The following TNMD variants were observed in gnomAD, a reference collection of about 807,000 sequenced individuals.
TNMD encodes tenomodulin.
In TNMD, 15 loss-of-function variants were observed where a neutral mutation model predicts 26.9. The ratio of observed to expected loss-of-function variants is 0.56; its 90% confidence interval spans 0.37 to 0.86. The LOEUF (loss-of-function observed/expected upper bound fraction) is 0.86. Ranked by LOEUF, TNMD falls within the 40% of genes least tolerant of loss-of-function variation. The probability of loss-of-function intolerance (pLI) is 0.00; values close to 1 mark genes in which losing one functional copy is unlikely to be tolerated. For missense variants in TNMD, 222 were observed against 242.6 expected, an observed-to-expected ratio of 0.92 and a Z score of 0.56; for synonymous variants, 73 against 77.0, an observed-to-expected ratio of 0.95 and a Z score of 0.27.
chrX:100,598,916 C>T, intron 5 of TNMD, 100 bp from the exon 6 acceptor site: 1 of 680,802 alleles, frequency 1.5e-6, no homozygotes, highest in Non-Finnish European at 2.1e-6. Flanking sequence ...AGTTAGAAGA[C>T]ACAATGAAAA....
intron 2 of TNMD, among the ~76,000 whole-genome samples, chrX:100,587,032 C>A (rs1348611392): frequency 8.9e-6 from 1 of 112,321 alleles, no homozygotes; most frequent in African/African-American, 3.2e-5. Flanking sequence ...TCCTTTTGAC[C>A]ACCCTTAGAT....
At chrX:100,593,223 G>C in intron 2 of TNMD, 1 of 422,188 alleles carries the variant, frequency 2.4e-6, no homozygotes, top group Non-Finnish European at 3.0e-6. Context: ...ACTTGGCTCA[G>C]TTGGCTTAAT....
At chrX:100,589,362 CAA>C (rs60496840) in intron 2 of TNMD, among the ~76,000 whole-genome samples, 5,610 of 60,917 alleles carry the variant, frequency 0.092, 433 homozygotes, top group African/African-American at 0.26. Context: ...TTGGCATTTT[CAA>C]AAAAAAAAAA....
chrX:100,594,988 G>T (rs2082948704), intron 4 of TNMD, among the ~76,000 whole-genome samples: 1 of 112,060 alleles, frequency 8.9e-6, no homozygotes, highest in Non-Finnish European at 1.9e-5. Context: ...TAGGGTGCTG[G>T]TGAAATCACT....
chrX:100,586,595 T>C (rs1316117058), intron 2 of TNMD, among the ~76,000 whole-genome samples: 1 of 111,800 alleles, frequency 8.9e-6, no homozygotes. Context: ...GGATATCTTA[T>C]CAGGTTTAAG....
chrX:100,599,571 C>G lies in TNMD; in HGVS notation c.808C>G (p.Arg270Gly). Reference sequence around the variant, plus strand: ...GAGAGGTTATTGTTGTATTTACTGCCGTCGAGGCAACCGCTATTGCCGCCG... The same window carrying G: ...GAGAGGTTATTGTTGTATTTACTGCGGTCGAGGCAACCGCTATTGCCGCCG... Reference protein sequence around the residue: ...DERGYCCIYCRRGNRYCRRVC... With the variant: ...DERGYCCIYCGRGNRYCRRVC... The change falls in exon 7 of 7, where the codon CGT becomes GGT. Residue 270 changes from arginine (R) to glycine (G), a missense_variant. Transcript: ENST00000373031. The G allele has an allele frequency of 8.3e-7, 1 of 1,210,339 alleles. No homozygotes were observed. The highest frequency in any genetic ancestry group is 1.1e-6 in the Non-Finnish European group (1 of 894,960).
intron 2 of TNMD, chrX:100,593,330 T>A: frequency 1.3e-6 from 1 of 753,179 alleles, no homozygotes; most frequent in Non-Finnish European, 1.6e-6. Flanking sequence ...GGTTGCCGTA[T>A]AAAGAGAAGG....
Position 100,599,789 on chromosome X carries a change from G to A in TNMD, c.*72G>A. The A allele has an allele frequency of 1.0e-6, 1 of 989,173 alleles. No homozygotes were observed. 81.5% of individuals were successfully genotyped at this position (989,173 alleles called of 1,213,427 possible). On this transcript the variant is annotated 3_prime_UTR_variant, in exon 7 of 7. Coordinates refer to ENST00000373031, the MANE Select transcript of TNMD (RefSeq NM_022144.3). ...AATGCATGCTATTCAATGAATTTCT[G>A]CCTATGAGGCATCTGGCCCCTGGTA...
At position 100,594,220 on chromosome X, in the gene TNMD, C is replaced by G. The variant is rs751466748; in HGVS notation, c.322-41C>G. On this transcript the variant is annotated intron_variant, in intron 3 of 6. Transcript: ENST00000373031. ...AGATCATGGAACTTACTAATAGTGG[C>G]TCTTTTGGGAAGCTTTATTGTTGTT... 6 of 1,057,760 alleles carry G rather than the reference C, an allele frequency of 5.7e-6. No homozygotes were observed. In the East Asian group the frequency reaches 1.5e-4, roughly 27 times the overall value. 87.2% of individuals were successfully genotyped at this position (1,057,760 alleles called of 1,213,427 possible).
At chrX:100,592,626 T>C (rs999183303) in intron 2 of TNMD, among the ~76,000 whole-genome samples, 1 of 112,225 alleles carries the variant, frequency 8.9e-6, no homozygotes, top group Non-Finnish European at 1.9e-5. Flanking sequence ...TACATTAGAC[T>C]TGTCACCCTT....
intron 5 of TNMD, among the ~76,000 whole-genome samples, chrX:100,597,905 T>G (rs1447688503): frequency 8.9e-6 from 1 of 112,114 alleles, no homozygotes; most frequent in Non-Finnish European, 1.9e-5. Context: ...TGACTAGTGA[T>G]AGCAAAAAAC....
At chrX:100,592,901 T>C (rs774866173) in intron 2 of TNMD, among the ~76,000 whole-genome samples, 2 of 112,044 alleles carry the variant, frequency 1.8e-5, no homozygotes, top group Non-Finnish European at 3.8e-5. Flanking sequence ...AGAAACTCGA[T>C]AAACAAAGGT....
Position 100,599,550 on chromosome X carries a change from G to C in TNMD, c.787G>C (p.Gly263Arg). 1 of 1,210,466 alleles carries C rather than the reference G, an allele frequency of 8.3e-7. No homozygotes were observed. The highest frequency in any genetic ancestry group is 1.1e-6 in the Non-Finnish European group (1 of 894,974). Residue 263 changes from glycine to arginine, a missense_variant, in exon 7 of 7, where the codon GGT (glycine) becomes CGT (arginine). Transcript: ENST00000373031. Reference protein sequence around the residue: ...IEFDPMLDERGYCCIYCRRGN... With the variant: ...IEFDPMLDERRYCCIYCRRGN... ...ATTTGATCCCATGCTGGATGAGAGA[G>C]GTTATTGTTGTATTTACTGCCGTCG... is the stretch of plus-strand genomic sequence containing the variant.
At chrX:100,594,557 G>A (rs746292254) in intron 4 of TNMD, among the ~76,000 whole-genome samples, 195 bp downstream of exon 4, 2 of 111,627 alleles carry the variant, frequency 1.8e-5, no homozygotes, top group Admixed American at 1.9e-4. Flanking sequence ...AGGCCACACA[G>A]CTAGTGAGTA....
intron 4 of TNMD, among the ~76,000 whole-genome samples, chrX:100,595,362 G>A (rs773308175): frequency 1.8e-5 from 2 of 110,391 alleles, no homozygotes; most frequent in Non-Finnish European, 3.8e-5. Context: ...TGATCCGCCC[G>A]CCTAGGCCTC....
chrX:100,589,341 A>C (rs1465752519), intron 2 of TNMD, among the ~76,000 whole-genome samples: 1 of 91,002 alleles, frequency 1.1e-5, no homozygotes, highest in African/African-American at 4.2e-5. Context: ...GCTTTACCAG[A>C]TGGTGCCATG....
rs1361577910 is a variant in TNMD, at chrX:100,593,923, G to A, written c.209G>A (p.Ser70Asn). 2.5e-6 allele frequency: 3 copies of A among 1,207,849 alleles called. No individual in the cohort carries two copies. The African/African-American group carries it at 5.3e-5, about 21-fold the overall frequency. Residue 70 changes from serine (S) to asparagine (N), a missense_variant, in exon 3 of 7, where the codon AGC becomes AAC. Coordinates refer to ENST00000373031, the MANE Select transcript of TNMD (RefSeq NM_022144.3). ...TATGACATGGAGCACACTTTCTACA[G>A]CAATGGAGAGAAGAAGAAGATTTAC... ...KAYDMEHTFY[S>N]NGEKKKIYME...
In TNMD at chrX:100,592,108, A is replaced by G. The variant is rs1602687296; in HGVS notation, c.181-1787A>G. Among the ~76,000 whole-genome samples, 5 of 111,589 alleles carry G rather than the reference A, an allele frequency of 4.5e-5. No individual in the cohort carries two copies. The South Asian group carries it at 1.9e-3, about 42-fold the overall frequency. On this transcript the variant is annotated intron_variant, in intron 2 of 6. Coordinates refer to ENST00000373031, the MANE Select transcript of TNMD (RefSeq NM_022144.3). ...ACTGATGAAATAAACACCCCACCGC[A>G]GCCCCCAATGGCTAGTGGCATCAAC...
At chrX:100,598,604 T>C (rs902231741) in intron 5 of TNMD, among the ~76,000 whole-genome samples, 2 of 111,454 alleles carry the variant, frequency 1.8e-5, no homozygotes, top group East Asian at 2.8e-4. Context: ...AACAGAAAGT[T>C]TAAAAAAAAT....
Sources: gnomAD v4.1 joint callset for allele counts (sites outside exome capture counted in the v4.1 genomes callset) on GRCh38, gnomAD v4.1.1 for gene constraint, MANE v1.5 for transcripts, NCBI Gene and HGNC (gene_info 2026-07-23, HGNC 2026-07-21) for gene names.